GFAP: variants seen among roughly 807,000 people sequenced by gnomAD.
GFAP encodes glial fibrillary acidic protein.
A neutral mutation model predicts 49.3 loss-of-function variants in GFAP; 38 were observed. That is an observed-to-expected ratio of 0.77 (90% confidence interval 0.60 to 1.01). GFAP has a LOEUF of 1.01. Ranked by LOEUF, GFAP falls within the 50% of genes least tolerant of loss-of-function variation. The probability of loss-of-function intolerance (pLI) is 0.00; values close to 1 mark genes in which losing one functional copy is unlikely to be tolerated. For synonymous variants in GFAP, 222 were observed against 236.4 expected, an observed-to-expected ratio of 0.94 and a Z score of 0.56; for missense variants, 463 against 579.1, an observed-to-expected ratio of 0.80 and a Z score of 2.06.
chr17:44,910,500 AG>A (rs1567772813), intron 7 of GFAP, 114 bp downstream of exon 7: 4 of 1,553,182 alleles, frequency 2.6e-6, no homozygotes, highest in Non-Finnish European at 3.5e-6. Context: ...GAAGGCCCCC[AG>A]GGAGAGCTGG....
chr17:44,914,365 GCACA>G (rs764855112), intron 1 of GFAP: 134 of 472,372 alleles, frequency 2.8e-4, no homozygotes, highest in Middle Eastern at 5.6e-4. Context: ...ACTCACTGTT[GCACA>G]CACACACACA....
chr17:44,911,340 C>T lies in GFAP; in HGVS notation c.1023G>A (p.Glu341=), dbSNP rs2145632884. The T allele has an allele frequency of 6.2e-7, 1 of 1,614,202 alleles. No individual in the cohort carries two copies. The highest frequency in any genetic ancestry group is 1.3e-5 in the African/African-American group (1 of 75,064). ...GGTACTCCTGCAAGTGGCGGGCCAT[C>T]TCGTCCTTGAGGCTCTGCCCCTCTT... The part of the protein sequence containing the change: ...LEEEGQSLKD[E]MARHLQEYQD... The change falls in exon 6 of 9, where the codon GAG becomes GAA. Residue 341 remains glutamate, a synonymous_variant. Coordinates refer to ENST00000588735, the MANE Select transcript of GFAP (RefSeq NM_002055.5).
In GFAP at chr17:44,905,260, G is replaced by C; in HGVS notation, c.*2087C>G. Reference sequence around the variant, plus strand: ...TGAGAAGTGGAGGGGCCTGAGGCTGGTGGGAGATTGGGGACTGAGCTCAGG... The same window carrying C: ...TGAGAAGTGGAGGGGCCTGAGGCTGCTGGGAGATTGGGGACTGAGCTCAGG... On this transcript the variant is annotated 3_prime_UTR_variant, in exon 9 of 9. Transcript: ENST00000588735. 1 of 597,290 alleles carries C rather than the reference G, an allele frequency of 1.7e-6. No homozygotes were observed. The highest frequency in any genetic ancestry group is 3.0e-6 in the Non-Finnish European group (1 of 329,872). The allele number at this position is 597,290 out of a possible 1,614,324, so 37.0% of individuals were successfully genotyped here.
rs906699489 is a variant in GFAP at position 44,903,545 on chromosome 17, G to A, written c.*3802C>T. ...CCGGTTTCCTTTGACCCATTCTTGG[G>A]TGAGCGCCAGTGTTCTAGAAAGGGG... is the stretch of plus-strand genomic sequence containing the variant. On this transcript the variant is annotated 3_prime_UTR_variant, in exon 9 of 9. Coordinates refer to ENST00000588735, the MANE Select transcript of GFAP (RefSeq NM_002055.5). The A allele has an allele frequency of 5.9e-6, 8 of 1,351,130 alleles. No homozygotes were observed. The highest frequency in any genetic ancestry group is 7.1e-5 in the Admixed American group (2 of 28,278). 83.7% of individuals were successfully genotyped at this position (1,351,130 alleles called of 1,614,324 possible). A position where few individuals can be genotyped will look rare whatever the true frequency, so the allele number is the denominator to read the frequency against.
rs533012935 is a variant in GFAP, at chr17:44,903,955, C to G, written c.*3392G>C. 5 of 1,550,606 alleles carry G rather than the reference C, an allele frequency of 3.2e-6. No individual in the cohort carries two copies. Among genetic ancestry groups the G allele is most frequent in the Non-Finnish European group, 4.4e-6 (5 of 1,147,006 alleles). ...CTTTCCTGATGTTTGAAAATGCAGC[C>G]TACCTGGCCGACATGAGCTTTGAGC... On this transcript the variant is annotated 3_prime_UTR_variant, in exon 9 of 9. Coordinates refer to ENST00000588735, the MANE Select transcript of GFAP (RefSeq NM_002055.5).
In GFAP at chr17:44,905,999, C is replaced by T. The variant is rs1341088680; in HGVS notation, c.*1348G>A. On this transcript the variant is annotated 3_prime_UTR_variant, in exon 9 of 9. Transcript: ENST00000588735. The stretch of plus-strand genomic sequence containing the variant: ...TTTACAATTGTAAAATAGGGCACTA[C>T]CTAGAATACTGGGTACATTTTGTGT... 1 of 152,214 alleles carries T rather than the reference C, an allele frequency of 6.6e-6. No homozygotes were observed. The highest frequency in any genetic ancestry group is 1.5e-5 in the Non-Finnish European group (1 of 68,064). 9.4% of individuals were successfully genotyped at this position (152,214 alleles called of 1,614,324 possible).
chr17:44,913,992 C>T lies in GFAP; in HGVS notation c.522+36G>A, dbSNP rs767041749. 2.1e-6 allele frequency: 3 copies of T among 1,453,980 alleles called. No individual in the cohort carries two copies. The East Asian group carries it at 7.2e-5, about 35-fold the overall frequency. The allele number at this position is 1,453,980 out of a possible 1,614,324, so 90.1% of individuals were successfully genotyped here. On this transcript the variant is annotated intron_variant, in intron 2 of 8. Coordinates refer to ENST00000588735, the MANE Select transcript of GFAP (RefSeq NM_002055.5). Reference sequence around the variant, plus strand: ...TTGGGTGGGTGGCCATCAATCCTTTCCTCCCTCCCCTGCCCCTCCCCTCCA... The same window carrying T: ...TTGGGTGGGTGGCCATCAATCCTTTTCTCCCTCCCCTGCCCCTCCCCTCCA...
In GFAP at chr17:44,903,965, G is replaced by A. The variant is rs191363131; in HGVS notation, c.*3382C>T. The stretch of plus-strand genomic sequence containing the variant: ...GTTTGAAAATGCAGCCTACCTGGCC[G>A]ACATGAGCTTTGAGCTTCCCTGTCA... On this transcript the variant is annotated 3_prime_UTR_variant, in exon 9 of 9. Coordinates refer to ENST00000588735, the MANE Select transcript of GFAP (RefSeq NM_002055.5). The A allele has an allele frequency of 9.4e-5, 146 of 1,550,600 alleles. No homozygotes were observed. Among genetic ancestry groups the A allele is most frequent in the Middle Eastern group, 6.7e-4 (4 of 5,992 alleles).
At chr17:44,910,293 A>C in intron 7 of GFAP, 4 of 1,613,974 alleles carry the variant, frequency 2.5e-6, no homozygotes, top group Non-Finnish European at 3.4e-6. Context: ...AAACAAAAAC[A>C]GAAAACACTC....
intron 4 of GFAP, chr17:44,912,428 C>G (rs1197878871): frequency 6.5e-6 from 1 of 153,906 alleles, no homozygotes; most frequent in Non-Finnish European, 1.4e-5. Context: ...TGGCCTCACC[C>G]TGGGTTCTAA....
chr17:44,909,212 C>T (rs779524578), intron 7 of GFAP: 11 of 152,284 alleles, frequency 7.2e-5, no homozygotes, highest in Non-Finnish European at 1.3e-4. Context: ...CCACATGACT[C>T]TGGGCAAGTT....
rs139837765 is a variant in GFAP at position 44,915,410 on chromosome 17, G to C, written c.77C>G (p.Ala26Gly). The change falls in exon 1 of 9, where the codon GCT becomes GGT. Residue 26 changes from alanine (A) to glycine (G), a missense_variant. Around this residue, in one of 3 missense-constraint regions of GFAP, gnomAD observed 89 missense variants for 87.5 expected, o/e 1.02. Transcript: ENST00000588735. The surrounding 1 kb of genome is among the most constrained non-coding windows in gnomAD (Gnocchi z 4.1). ...SSGEMMVGGL[A>G]PGRRLGPGTR... ...GCCAGGACCCAGACGGCGGCCAGGAGCCAGGCCCCCCACCATCATCTCCCC... is the reference window on the plus strand; with the variant it reads ...GCCAGGACCCAGACGGCGGCCAGGACCCAGGCCCCCCACCATCATCTCCCC... The C allele has an allele frequency of 1.9e-6, 3 of 1,607,426 alleles. 1 individual carries two copies. Among genetic ancestry groups the C allele is most frequent in the South Asian group, 2.2e-5 (2 of 90,578 alleles).
chr17:44,914,884 G>C, intron 1 of GFAP, 142 bp downstream of exon 1: 1 of 706,314 alleles, frequency 1.4e-6, no homozygotes, highest in East Asian at 2.7e-5. Flanking sequence ...CATGTTGGGG[G>C]GCAAGGATAG....
intron 6 of GFAP, 54 bp from the exon 7 acceptor site, chr17:44,910,712 C>T: frequency 6.4e-7 from 1 of 1,563,198 alleles, no homozygotes; most frequent in South Asian, 1.2e-5. Context: ...CACCCCTAGG[C>T]TGGGTCTTGG....
rs376899530 is a variant in GFAP at position 44,914,255 on chromosome 17, G to C, written c.462-167C>G. 4.0e-4 allele frequency: 246 copies of C among 611,262 alleles called. 2 individuals are homozygous for C. In the South Asian group the frequency reaches 4.6e-3, roughly 11 times the overall value. The allele number at this position is 611,262 out of a possible 1,614,324, so 37.9% of individuals were successfully genotyped here. On this transcript the variant is annotated intron_variant, in intron 1 of 8. Transcript: ENST00000588735. ...GCCTTAGACAGAGGACTTGTCTGGA[G>C]GATGAGCAGATGTGGGCTTTTGCCT...
chr17:44,904,236 A>G lies in GFAP; in HGVS notation c.*3111T>C. 6.4e-7 allele frequency: 1 copy of G among 1,550,578 alleles called. No individual in the cohort carries two copies. Among genetic ancestry groups the G allele is most frequent in the Middle Eastern group, 1.7e-4 (1 of 5,992 alleles). On this transcript the variant is annotated 3_prime_UTR_variant, in exon 9 of 9. Coordinates refer to ENST00000588735, the MANE Select transcript of GFAP (RefSeq NM_002055.5). ...CGCAAGGGGGACTACTTTTACGCCT[A>G]CGATGTGGACATCCAGAACAGTGAG...
intron 8 of GFAP, chr17:44,907,678 G>A: frequency 1.8e-6 from 1 of 568,612 alleles, no homozygotes; most frequent in South Asian, 2.0e-5. Flanking sequence ...CCATTCCCCT[G>A]GTAGTTTCCT....
rs527426539 is a variant in GFAP at position 44,904,372 on chromosome 17, C to T, written c.*2975G>A. On this transcript the variant is annotated 3_prime_UTR_variant, in exon 9 of 9. Coordinates refer to ENST00000588735, the MANE Select transcript of GFAP (RefSeq NM_002055.5). ...GGGAATGGACCCCCTGTGACCGCTGCGGAGTGCGTGGGGAGCAGTGGCGCA... is the reference window on the plus strand; with the variant it reads ...GGGAATGGACCCCCTGTGACCGCTGTGGAGTGCGTGGGGAGCAGTGGCGCA... The T allele has an allele frequency of 2.5e-4, 392 of 1,543,438 alleles. 1 individual carries two copies. The African/African-American group carries it at 4.6e-3, about 18-fold the overall frequency.
At chr17:44,914,880 G>A in intron 1 of GFAP, 146 bp downstream of exon 1, 1 of 689,072 alleles carries the variant, frequency 1.5e-6, no homozygotes, top group Non-Finnish European at 2.5e-6. Flanking sequence ...CCATCATGTT[G>A]GGGGGCAAGG....
Sources: allele counts gnomAD v4.1 joint callset, GRCh38; gene constraint gnomAD v4.1.1; regional missense constraint gnomAD v4.1.1; non-coding constraint Gnocchi (gnomAD v3.1); transcripts MANE v1.5; gene names NCBI Gene and HGNC (gene_info 2026-07-23, HGNC 2026-07-21).